Variants in CDC37L1 observed in about 807,000 individuals in gnomAD.
CDC37L1 encodes the protein hsp90 co-chaperone Cdc37-like 1.
A neutral mutation model predicts 45.9 loss-of-function variants in CDC37L1; 32 were observed. The ratio of observed to expected loss-of-function variants is 0.70; its 90% CI spans 0.53 to 0.94. The LOEUF is 0.94. Ranked by LOEUF, CDC37L1 falls within the 40% of genes least tolerant of loss-of-function variation. CDC37L1 has a pLI of 0.00. For synonymous variants in CDC37L1, 150 were observed against 133.0 expected (o/e 1.13, Z -0.88); for missense variants, 434 against 405.7 (o/e 1.07, Z -0.60).
At position 4,684,983 on chromosome 9, in the gene CDC37L1, G is replaced by C; in HGVS notation, c.239G>C (p.Ser80Thr). Residue 80 changes from serine to threonine, a missense_variant, in exon 2 of 7, where the codon AGC becomes ACC. Physicochemically the swap from Ser to Thr is moderately conservative, Grantham distance 58. Transcript: ENST00000381854. ...NLAEAQQKLG[S>T]LALHNSESLD... ...GCTGAAGCTCAACAGAAACTTGGTA[G>C]CTTAGCACTGCATAATTCTGAGTCC... The C allele has an allele frequency of 6.2e-7, 1 of 1,614,064 alleles. No individual in the cohort carries two copies. Among genetic ancestry groups the C allele is most frequent in the East Asian group, 2.2e-5 (1 of 44,880 alleles).
At chr9:4,702,066 T>C in intron 6 of CDC37L1, 38 bp downstream of exon 6, 1 of 1,116,840 alleles carries the variant, frequency 9.0e-7, no homozygotes, top group Non-Finnish European at 1.2e-6. Flanking sequence ...TATAAGCCTA[T>C]TAATTCACAT....
intron 5 of CDC37L1, among the ~76,000 whole-genome samples, chr9:4,698,941 CT>C (rs1554623059): frequency 4.6e-5 from 7 of 151,480 alleles, no homozygotes; most frequent in East Asian, 1.9e-4. Flanking sequence ...TTTTGGAAAA[CT>C]TTTTTTTTAA....
At chr9:4,699,441 C>T (rs531870173) in intron 5 of CDC37L1, among the ~76,000 whole-genome samples, 1 of 152,176 alleles carries the variant, frequency 6.6e-6, no homozygotes, top group South Asian at 2.1e-4. Context: ...TATATTCATT[C>T]TGTAAAATAC....
rs1587613011 is a variant in CDC37L1, at chr9:4,679,954, C to G, written c.132+55C>G. 3.8e-6 allele frequency: 6 copies of G among 1,599,434 alleles called. No homozygotes were observed. The East Asian group carries it at 1.3e-4, about 36-fold the overall frequency. On this transcript the variant is annotated intron_variant, in intron 1 of 6. Transcript: ENST00000381854. ...ATGGAGTGGTGCTGTCGCCAAACCCCTGGAATGCCGCGTCTCCCAGACCCT... is the reference window on the plus strand; with the variant it reads ...ATGGAGTGGTGCTGTCGCCAAACCCGTGGAATGCCGCGTCTCCCAGACCCT...
chr9:4,683,969 T>TAG (rs1841222054), intron 1 of CDC37L1, among the ~76,000 whole-genome samples: 1 of 152,190 alleles, frequency 6.6e-6, no homozygotes, highest in Admixed American at 6.5e-5. Flanking sequence ...GTCAGCAGGG[T>TAG]AGACCATTGT....
chr9:4,687,687 A>T (rs913201770), intron 2 of CDC37L1, among the ~76,000 whole-genome samples: 2,065 of 150,600 alleles, frequency 0.014, 60 homozygotes, highest in African/African-American at 0.048. Flanking sequence ...TCAAAAAAAA[A>T]AAAAAAAAAA....
chr9:4,689,254 A>T (rs539418002), intron 3 of CDC37L1, among the ~76,000 whole-genome samples: 5 of 152,198 alleles, frequency 3.3e-5, no homozygotes, highest in African/African-American at 1.2e-4. Flanking sequence ...GTGTTCTGAG[A>T]ATTATAGGCA....
intron 3 of CDC37L1, among the ~76,000 whole-genome samples, chr9:4,693,507 G>A (rs1472207384): frequency 1.3e-5 from 2 of 151,972 alleles, no homozygotes; most frequent in East Asian, 1.9e-4. Context: ...AAAGAGGAAA[G>A]GGAAATCAGT....
At chr9:4,682,987 A>G (rs971959100) in intron 1 of CDC37L1, among the ~76,000 whole-genome samples, 26 of 144,826 alleles carry the variant, frequency 1.8e-4, no homozygotes, top group Non-Finnish European at 3.2e-4. Context: ...ATATTAAAAT[A>G]TTTTATATTA....
In CDC37L1 at chr9:4,696,345, A is replaced by G. The variant is rs137870749; in HGVS notation, c.509-751A>G. Among the ~76,000 whole-genome samples, 269 of 152,106 alleles carry G rather than the reference A, an allele frequency of 1.8e-3. 2 individuals are homozygous for G. The highest frequency in any genetic ancestry group is 0.01 in the Middle Eastern group (3 of 294). ...AGGAATCTAAACCTAACATTGCTAT[A>G]TTGAATTTATTCAGTTAGCCAGGCA... On this transcript the variant is annotated intron_variant, in intron 3 of 6. Coordinates refer to ENST00000381854, the MANE Select transcript of CDC37L1 (RefSeq NM_017913.4).
At chr9:4,699,550 A>G (rs1345787170) in intron 5 of CDC37L1, among the ~76,000 whole-genome samples, 1 of 152,222 alleles carries the variant, frequency 6.6e-6, no homozygotes, top group African/African-American at 2.4e-5. Context: ...TATATCTAGT[A>G]TCAATGTTCG....
chr9:4,683,245 G>T (rs79001639), intron 1 of CDC37L1, among the ~76,000 whole-genome samples: 1 of 151,344 alleles, frequency 6.6e-6, no homozygotes, highest in African/African-American at 2.4e-5. Flanking sequence ...GTCCACATTT[G>T]TCCCAGTACA....
intron 5 of CDC37L1, among the ~76,000 whole-genome samples, chr9:4,700,975 G>A (rs1385640103): frequency 2.0e-5 from 3 of 152,060 alleles, no homozygotes; most frequent in Non-Finnish European, 2.9e-5. Flanking sequence ...CTTATAAAGT[G>A]AGGTGCTAAA....
In CDC37L1 at chr9:4,679,692, G is replaced by T; in HGVS notation, c.-76G>T. 1.4e-6 allele frequency: 2 copies of T among 1,408,622 alleles called. No homozygotes were observed. Among genetic ancestry groups the T allele is most frequent in the Admixed American group, 2.2e-5 (1 of 44,598 alleles). The allele number at this position is 1,408,622 out of a possible 1,614,324, so 87.3% of individuals were successfully genotyped here. Reference sequence around the variant, plus strand: ...CTGGGCTTCTGGCTCGGCGCAGCAGGTTCCATTCACGCCAAGTCTGTTGGC... The same window carrying T: ...CTGGGCTTCTGGCTCGGCGCAGCAGTTTCCATTCACGCCAAGTCTGTTGGC... On this transcript the variant is annotated 5_prime_UTR_variant, in exon 1 of 7. Transcript: ENST00000381854.
At chr9:4,701,837 CTTTG>C (rs1563772831) in intron 5 of CDC37L1, 23 bp from the exon 6 acceptor site, 1 of 1,477,734 alleles carries the variant, frequency 6.8e-7, no homozygotes, top group Non-Finnish European at 9.0e-7. Flanking sequence ...AGAACACAGT[CTTTG>C]TTTTTTTTTT....
chr9:4,699,827 T>C (rs1391332367), intron 5 of CDC37L1, among the ~76,000 whole-genome samples: 1 of 152,152 alleles, frequency 6.6e-6, no homozygotes, highest in Non-Finnish European at 1.5e-5. Context: ...TTTTACATGC[T>C]CTTCTGCACA....
At chr9:4,695,467 A>G (rs1439799388) in intron 3 of CDC37L1, among the ~76,000 whole-genome samples, 3 of 152,190 alleles carry the variant, frequency 2.0e-5, no homozygotes, top group Non-Finnish European at 2.9e-5. Context: ...AGAATACTCT[A>G]TGAGAAAATG....
chr9:4,693,981 T>C (rs1173872829), intron 3 of CDC37L1, among the ~76,000 whole-genome samples: 1 of 152,252 alleles, frequency 6.6e-6, no homozygotes, highest in African/African-American at 2.4e-5. Context: ...AGCCGCTGTC[T>C]TAAATTGTTA....
chr9:4,702,063 CT>C (rs764907022), intron 6 of CDC37L1, 35 bp downstream of exon 6: 1 of 1,134,088 alleles, frequency 8.8e-7, no homozygotes, highest in South Asian at 2.5e-5. Flanking sequence ...TTTTATAAGC[CT>C]ATTAATTCAC....
Sources: gnomAD v4.1 joint callset for allele counts (sites outside exome capture counted in the v4.1 genomes callset) on GRCh38, gnomAD v4.1.1 for gene constraint, MANE v1.5 for transcripts, NCBI Gene and HGNC (gene_info 2026-07-23, HGNC 2026-07-21) for gene names.